Variants in ATG16L1 observed in about 807,000 individuals in gnomAD.
The protein encoded by ATG16L1 is autophagy-related protein 16-1.
A neutral mutation model predicts 88.5 loss-of-function variants in ATG16L1; 37 were observed. The observed-to-expected ratio is 0.42, with a 90% CI of 0.32 to 0.55. The LOEUF is 0.55. Among genes scored for constraint, ATG16L1 ranks in the 20% least tolerant of loss-of-function variants. The pLI is 0.13. For synonymous variants in ATG16L1, 301 were observed against 281.0 expected (o/e 1.07, Z -0.71); for missense variants, 554 against 752.8 (o/e 0.74, Z 3.09).
chr2:233,254,484 C>G (rs984725927), intron 1 of ATG16L1, among the ~76,000 whole-genome samples: 1 of 152,094 alleles, frequency 6.6e-6, no homozygotes, highest in Admixed American at 6.5e-5. Flanking sequence ...CTGTTCAGTC[C>G]GTGCCTTTGA....
chr2:233,272,859 A>G (rs1698085623), intron 6 of ATG16L1, 107 bp from the exon 7 acceptor site: 1 of 937,958 alleles, frequency 1.1e-6, no homozygotes, highest in Admixed American at 1.9e-5. Flanking sequence ...TTGCTGTCAT[A>G]GCCAAGTGGT....
chr2:233,292,287 G>A lies in ATG16L1; in HGVS notation c.1580+10G>A. On this transcript the variant is annotated intron_variant, in intron 15 of 17. Coordinates refer to ENST00000392017, the MANE Select transcript of ATG16L1 (RefSeq NM_030803.7). Reference sequence around the variant, plus strand: ...TCAAGCAGACATTCAGGTAACTGAAGATGTGCTGGTTGCATGAAGACCAGA... The same window carrying A: ...TCAAGCAGACATTCAGGTAACTGAAAATGTGCTGGTTGCATGAAGACCAGA... The A allele has an allele frequency of 6.2e-7, 1 of 1,614,228 alleles. No individual in the cohort carries two copies. The highest frequency in any genetic ancestry group is 8.5e-7 in the Non-Finnish European group (1 of 1,180,042).
intron 2 of ATG16L1, among the ~76,000 whole-genome samples, chr2:233,257,264 C>T (rs929331707): frequency 2.0e-4 from 31 of 151,846 alleles, no homozygotes; most frequent in Admixed American, 1.6e-3. Context: ...ATCCTGACCT[C>T]GTGATCCGCC....
Position 233,294,468 on chromosome 2 carries a change from C to G in ATG16L1, c.*118C>G. On this transcript the variant is annotated 3_prime_UTR_variant, in exon 18 of 18. Transcript: ENST00000392017. ...ATAGCATGGACCTCCCAGAGAAGCT[C>G]AAGCTATGTGGCACTGTAGCTTTGC... 2 of 689,454 alleles carry G rather than the reference C, an allele frequency of 2.9e-6. No individual in the cohort carries two copies. Among genetic ancestry groups the G allele is most frequent in the Non-Finnish European group, 4.8e-6 (2 of 420,920 alleles). The allele number at this position is 689,454 out of a possible 1,614,324, so 42.7% of individuals were successfully genotyped here.
chr2:233,260,315 C>T (rs1210837577), intron 2 of ATG16L1, among the ~76,000 whole-genome samples: 1 of 152,196 alleles, frequency 6.6e-6, no homozygotes, highest in Non-Finnish European at 1.5e-5. Context: ...CTGTTAGAAA[C>T]GAAGATTCTT....
chr2:233,294,435 T>C lies in ATG16L1; in HGVS notation c.*85T>C. On this transcript the variant is annotated 3_prime_UTR_variant, in exon 18 of 18. Transcript: ENST00000392017. ...TGCAGCCCTGTCCTGGCAGGTGATGTGCTGGGTATAGCATGGACCTCCCAG... is the reference window on the plus strand; with the variant it reads ...TGCAGCCCTGTCCTGGCAGGTGATGCGCTGGGTATAGCATGGACCTCCCAG... The C allele has an allele frequency of 2.7e-6, 3 of 1,113,242 alleles. No homozygotes were observed. The highest frequency in any genetic ancestry group is 4.0e-6 in the Non-Finnish European group (3 of 755,124). The allele number at this position is 1,113,242 out of a possible 1,614,324, so 69.0% of individuals were successfully genotyped here.
chr2:233,258,761 A>G (rs1194206368), intron 2 of ATG16L1, among the ~76,000 whole-genome samples: 3 of 152,138 alleles, frequency 2.0e-5, no homozygotes, highest in African/African-American at 4.8e-5. Context: ...CAGTGGCATG[A>G]TCATGGCTTA....
intron 12 of ATG16L1, among the ~76,000 whole-genome samples, chr2:233,283,824 A>G (rs1467953127): frequency 1.3e-5 from 2 of 151,968 alleles, no homozygotes; most frequent in Non-Finnish European, 2.9e-5. Context: ...GGCGTGAGCC[A>G]CTGTGCCCAG....
intron 2 of ATG16L1, among the ~76,000 whole-genome samples, chr2:233,258,045 C>A (rs1449325983): frequency 6.9e-6 from 1 of 144,990 alleles, no homozygotes; most frequent in African/African-American, 2.5e-5. Context: ...ATCTATATAT[C>A]TATATCTATC....
chr2:233,269,213 C>T (rs980590288), intron 5 of ATG16L1, among the ~76,000 whole-genome samples: 2 of 152,146 alleles, frequency 1.3e-5, no homozygotes, highest in African/African-American at 2.4e-5. Context: ...CTCACTATAC[C>T]TCAGTTTCCT....
At chr2:233,261,233 G>A (rs1402464842) in intron 2 of ATG16L1, among the ~76,000 whole-genome samples, 1 of 152,182 alleles carries the variant, frequency 6.6e-6, no homozygotes, top group Non-Finnish European at 1.5e-5. Flanking sequence ...GGGGTTACAG[G>A]CTTGAGCCAC....
At chr2:233,278,295 GC>G (rs1398806912) in intron 10 of ATG16L1, among the ~76,000 whole-genome samples, 1 of 152,216 alleles carries the variant, frequency 6.6e-6, no homozygotes, top group Non-Finnish European at 1.5e-5. Context: ...GAAGTCTGAA[GC>G]CGGGCATTTC....
At chr2:233,274,393 G>GAAT in intron 8 of ATG16L1, 1 of 431,954 alleles carries the variant, frequency 2.3e-6, no homozygotes, top group Non-Finnish European at 4.1e-6. Flanking sequence ...GCAGCTTATT[G>GAAT]ACTGGGTAAG....
chr2:233,278,185 G>A (rs909415029), intron 10 of ATG16L1, among the ~76,000 whole-genome samples: 1 of 152,142 alleles, frequency 6.6e-6, no homozygotes, highest in Admixed American at 6.6e-5. Context: ...TGTATCAGAC[G>A]AGGGCCCTTA....
At chr2:233,259,444 C>T (rs1418484080) in intron 2 of ATG16L1, among the ~76,000 whole-genome samples, 1 of 152,164 alleles carries the variant, frequency 6.6e-6, no homozygotes, top group East Asian at 1.9e-4. Context: ...CTCCTAGTTC[C>T]TGGAGAAAAA....
At position 233,282,674 on chromosome 2, in the gene ATG16L1, T is replaced by G; in HGVS notation, c.1132-8T>G. The G allele has an allele frequency of 1.9e-6, 3 of 1,613,818 alleles. No individual in the cohort carries two copies. The highest frequency in any genetic ancestry group is 2.5e-6 in the Non-Finnish European group (3 of 1,179,740). ...AAAAATTGGTTTTCCTCTTCTTTAT[T>G]CCCACAGGGATCTTACCTCTTAGCA... On this transcript the variant is annotated splice_region_variant and splice_polypyrimidine_tract_variant and intron_variant, in intron 11 of 17. Coordinates refer to ENST00000392017, the MANE Select transcript of ATG16L1 (RefSeq NM_030803.7).
chr2:233,293,584 T>C (rs1574912145), intron 17 of ATG16L1, among the ~76,000 whole-genome samples: 1 of 151,354 alleles, frequency 6.6e-6, no homozygotes, highest in Non-Finnish European at 1.5e-5. Flanking sequence ...TGGCAGCCGC[T>C]GGAGAAAGGG....
rs1401317847 is a variant in ATG16L1 at position 233,265,078 on chromosome 2, C to T, written c.576C>T (p.Thr192=). The T allele has an allele frequency of 1.2e-6, 2 of 1,614,042 alleles. No individual in the cohort carries two copies. Among genetic ancestry groups the T allele is most frequent in the Non-Finnish European group, 1.7e-6 (2 of 1,180,046 alleles). Residue 192 remains threonine, a synonymous_variant, in exon 5 of 18, where the codon ACC becomes ACT. Transcript: ENST00000392017. ...CGGAAGAGAACCAGGAGCTGGTCAC[C>T]AGATGGATGGCTGAGAAAGCCCAGG... The part of the protein sequence containing the change: ...KTTEENQELV[T]RWMAEKAQEA...
At chr2:233,266,712 A>G (rs1697614834) in intron 5 of ATG16L1, among the ~76,000 whole-genome samples, 1 of 152,250 alleles carries the variant, frequency 6.6e-6, no homozygotes, top group Non-Finnish European at 1.5e-5. Context: ...ACAATAGCCA[A>G]GATACGGATC....
Sources: allele counts gnomAD v4.1 joint callset (sites outside exome capture counted in the v4.1 genomes callset), GRCh38; gene constraint gnomAD v4.1.1; transcripts MANE v1.5; gene names NCBI Gene and HGNC (gene_info 2026-07-23, HGNC 2026-07-21).